Variants in LRRC4C observed in about 807,000 individuals in gnomAD.
LRRC4C encodes leucine-rich repeat-containing protein 4C.
In LRRC4C, 5 loss-of-function variants were observed where a neutral mutation model predicts 33.6. That is an observed-to-expected ratio of 0.15 (90% CI 0.08 to 0.31). The LOEUF (loss-of-function observed/expected upper bound fraction) is 0.31. Among genes scored for constraint, LRRC4C ranks in the 10% least tolerant of loss-of-function variants. LRRC4C has a pLI of 1.00. For missense variants in LRRC4C, 560 were observed against 796.7 expected (o/e 0.70, Z 3.58); for synonymous variants, 329 against 302.0 (o/e 1.09, Z -0.93).
chr11:40,739,926 A>G (rs1056902789), intron 2 of LRRC4C, among the ~76,000 whole-genome samples: 3 of 151,948 alleles, frequency 2.0e-5, no homozygotes, highest in African/African-American at 7.2e-5. Context: ...GTGTATATAT[A>G]TTATACAATC....
At chr11:40,420,687 C>G (rs992043551) in intron 3 of LRRC4C, among the ~76,000 whole-genome samples, 1 of 152,150 alleles carries the variant, frequency 6.6e-6, no homozygotes, top group African/African-American at 2.4e-5. Context: ...CATAAACAAC[C>G]TGAATGGAGT....
At chr11:40,510,907 A>G (rs1472125162) in intron 3 of LRRC4C, among the ~76,000 whole-genome samples, 4 of 152,170 alleles carry the variant, frequency 2.6e-5, no homozygotes, top group Non-Finnish European at 1.5e-5. Flanking sequence ...AAAATTTTTG[A>G]AAAAAACTGA....
chr11:40,581,022 A>G (rs935700738), intron 3 of LRRC4C, among the ~76,000 whole-genome samples: 6 of 152,172 alleles, frequency 3.9e-5, no homozygotes, highest in African/African-American at 1.4e-4. Flanking sequence ...CAATATTGGT[A>G]TTTTTCTAAA....
intron 1 of LRRC4C, among the ~76,000 whole-genome samples, chr11:41,326,635 T>C (rs1199713328): frequency 6.6e-6 from 1 of 151,652 alleles, no homozygotes. Context: ...AGATCTGATA[T>C]AGAAGTGTTT....
intron 3 of LRRC4C, among the ~76,000 whole-genome samples, chr11:40,553,133 G>T (rs555232037): frequency 6.6e-6 from 1 of 152,008 alleles, no homozygotes; most frequent in Admixed American, 6.6e-5. Flanking sequence ...TTAGCCCGGC[G>T]TAGTGACAGG....
At chr11:40,276,051 TAGAG>T (rs1404232868) in intron 4 of LRRC4C, among the ~76,000 whole-genome samples, 5 of 152,174 alleles carry the variant, frequency 3.3e-5, no homozygotes, top group African/African-American at 1.2e-4. Flanking sequence ...GGAGCTGAGA[TAGAG>T]AGGCTCTCTG....
At chr11:41,054,824 T>C (rs978082170) in intron 1 of LRRC4C, among the ~76,000 whole-genome samples, 2 of 152,148 alleles carry the variant, frequency 1.3e-5, no homozygotes, top group African/African-American at 4.8e-5. Flanking sequence ...ATATCACAAG[T>C]GTGATGAGTG....
At chr11:40,980,470 G>C (rs1293033551) in intron 1 of LRRC4C, among the ~76,000 whole-genome samples, 1 of 152,112 alleles carries the variant, frequency 6.6e-6, no homozygotes, top group Admixed American at 6.5e-5. Flanking sequence ...AAGAGAAATT[G>C]AGACCTCCTA....
At chr11:41,388,508 C>A (rs1310512169) in intron 1 of LRRC4C, among the ~76,000 whole-genome samples, 1 of 151,832 alleles carries the variant, frequency 6.6e-6, no homozygotes, top group Non-Finnish European at 1.5e-5. Context: ...GCAAAGAATA[C>A]TCCACGAAAA....
chr11:40,318,662 T>C (rs1291941803), intron 4 of LRRC4C, among the ~76,000 whole-genome samples: 1 of 152,152 alleles, frequency 6.6e-6, no homozygotes. Context: ...AAATCCCCAT[T>C]GAGACAAGTC....
At chr11:41,439,576 G>T (rs1176918176) in intron 1 of LRRC4C, among the ~76,000 whole-genome samples, 1 of 152,094 alleles carries the variant, frequency 6.6e-6, no homozygotes, top group Non-Finnish European at 1.5e-5. Flanking sequence ...CTGACTAGTG[G>T]AAGATGGTAT....
chr11:41,076,813 C>G (rs1210784440), intron 1 of LRRC4C, among the ~76,000 whole-genome samples: 1 of 152,122 alleles, frequency 6.6e-6, no homozygotes, highest in Non-Finnish European at 1.5e-5. Context: ...AGTCCGTAGT[C>G]TCATCTGAGA....
At chr11:41,128,169 C>T (rs1268021389) in intron 1 of LRRC4C, among the ~76,000 whole-genome samples, 3 of 151,948 alleles carry the variant, frequency 2.0e-5, no homozygotes, top group Non-Finnish European at 4.4e-5. Flanking sequence ...GAGTATCATT[C>T]AGGCCTTCAA....
chr11:41,055,936 A>G (rs549042237), intron 1 of LRRC4C, among the ~76,000 whole-genome samples: 9 of 152,310 alleles, frequency 5.9e-5, no homozygotes, highest in Non-Finnish European at 1.3e-4. Context: ...AGATTTTCCT[A>G]AATATAAATT....
chr11:41,144,048 TTCTAA>T (rs1943626955), intron 1 of LRRC4C, among the ~76,000 whole-genome samples: 1 of 152,190 alleles, frequency 6.6e-6, no homozygotes, highest in South Asian at 2.1e-4. Context: ...TAATCACTAT[TTCTAA>T]ACCAAAGGAT....
intron 2 of LRRC4C, among the ~76,000 whole-genome samples, chr11:40,758,079 C>G (rs1382337455): frequency 6.6e-6 from 1 of 151,906 alleles, no homozygotes; most frequent in Non-Finnish European, 1.5e-5. Context: ...AATATATCTC[C>G]CGCGAAATGC....
At chr11:40,236,284 C>CT (rs1865548561) in intron 5 of LRRC4C, among the ~76,000 whole-genome samples, 1 of 152,178 alleles carries the variant, frequency 6.6e-6, no homozygotes, top group Non-Finnish European at 1.5e-5. Flanking sequence ...CTAAAGAGAA[C>CT]AGCAGCTGCT....
At chr11:41,183,664 G>A (rs1255645666) in intron 1 of LRRC4C, among the ~76,000 whole-genome samples, 1 of 152,180 alleles carries the variant, frequency 6.6e-6, no homozygotes, top group African/African-American at 2.4e-5. Context: ...CATGATGCAA[G>A]CTGTCAGTGG....
chr11:40,289,477 C>T (rs936814941), intron 4 of LRRC4C, among the ~76,000 whole-genome samples: 2 of 152,044 alleles, frequency 1.3e-5, no homozygotes, highest in African/African-American at 4.8e-5. Context: ...CTTGTAAAAC[C>T]CAGTAGCTTT....
Sources: allele counts gnomAD v4.1 joint callset (sites outside exome capture counted in the v4.1 genomes callset), GRCh38; gene constraint gnomAD v4.1.1; transcripts MANE v1.5; gene names NCBI Gene and HGNC (gene_info 2026-07-23, HGNC 2026-07-21).